STIMATE: variants seen among roughly 807,000 people sequenced by gnomAD.
STIMATE encodes store-operated calcium entry regulator STIMATE.
In STIMATE, 15 loss-of-function variants were observed where a neutral mutation model predicts 36.7. The observed-to-expected ratio is 0.41, with a 90% CI of 0.27 to 0.63. STIMATE has a LOEUF of 0.63. Ranked by LOEUF, STIMATE falls within the 20% of genes least tolerant of loss-of-function variation. The pLI is 0.32. For synonymous variants in STIMATE, 163 were observed against 162.3 expected (o/e 1.00, Z -0.03); for missense variants, 305 against 397.3 (o/e 0.77, Z 1.98).
At position 52,839,489 on chromosome 3, in the gene STIMATE, A is replaced by G. The variant is rs1053071291; in HGVS notation, c.*1005T>C. 6.6e-6 allele frequency: 1 copy of G among 152,198 alleles called. No individual in the cohort carries two copies. The highest frequency in any genetic ancestry group is 2.4e-5 in the African/African-American group (1 of 41,442). The allele number at this position is 152,198 out of a possible 1,614,324, so 9.4% of individuals were successfully genotyped here. ...CTCTGGAAACAAAGACCTCTTAGCT[A>G]AGCTCCTTTCTTGGTCAAATTTAAC... On this transcript the variant is annotated 3_prime_UTR_variant, in exon 8 of 8. Coordinates refer to ENST00000355083, the MANE Select transcript of STIMATE (RefSeq NM_198563.5).
chr3:52,865,190 C>T (rs1203237510), intron 1 of STIMATE, among the ~76,000 whole-genome samples: 1 of 152,178 alleles, frequency 6.6e-6, no homozygotes, highest in Non-Finnish European at 1.5e-5. Flanking sequence ...TGTGATCCAC[C>T]CGCCTTGGCC....
At chr3:52,845,591 G>T (rs538320100) in intron 4 of STIMATE, among the ~76,000 whole-genome samples, 8 of 152,264 alleles carry the variant, frequency 5.3e-5, no homozygotes, top group Admixed American at 5.2e-4. Context: ...GAGGTGGGAG[G>T]GATGGGCCGG....
intron 1 of STIMATE, among the ~76,000 whole-genome samples, chr3:52,896,991 G>A (rs181258667): frequency 2.0e-5 from 3 of 152,210 alleles, no homozygotes; most frequent in South Asian, 2.1e-4. Context: ...CATGATTCCA[G>A]GCTGGGAAGT....
intron 3 of STIMATE, among the ~76,000 whole-genome samples, chr3:52,850,988 C>G (rs552591209): frequency 2.0e-5 from 3 of 152,314 alleles, no homozygotes; most frequent in Non-Finnish European, 2.9e-5. Context: ...CCTGGCCTCC[C>G]AAAGTGTTGG....
chr3:52,852,553 T>C (rs377399991), intron 3 of STIMATE, 50 bp downstream of exon 3: 24 of 1,609,396 alleles, frequency 1.5e-5, no homozygotes, highest in Middle Eastern at 1.7e-4. Context: ...CCAGCCTATA[T>C]TTTCAATGGA....
At position 52,855,070 on chromosome 3, in the gene STIMATE, T is replaced by G. The variant is rs1701070418; in HGVS notation, c.209+326A>C. ...CATACAGAACACAGAATCCAGGAAT[T>G]TAAACCAAATCTAACAACAGGTAGA... On this transcript the variant is annotated intron_variant, in intron 2 of 7. Transcript: ENST00000355083. Among the ~76,000 whole-genome samples the G allele has an allele frequency of 1.3e-5, 2 of 152,118 alleles. 1 individual carries two copies. Among genetic ancestry groups the G allele is most frequent in the South Asian group, 4.1e-4 (2 of 4,830 alleles).
At chr3:52,844,752 G>T in intron 5 of STIMATE, 77 bp downstream of exon 5, 1 of 1,539,168 alleles carries the variant, frequency 6.5e-7, no homozygotes, top group Non-Finnish European at 8.9e-7. Flanking sequence ...TCCTAGAGTT[G>T]GCGTATGTGG....
chr3:52,854,395 G>C (rs1172945326), intron 2 of STIMATE, among the ~76,000 whole-genome samples: 1 of 152,190 alleles, frequency 6.6e-6, no homozygotes, highest in African/African-American at 2.4e-5. Context: ...AGGGGCTGGA[G>C]ACTGAGTTAA....
chr3:52,897,221 G>T, intron 1 of STIMATE, 70 bp downstream of exon 1: 1 of 1,505,198 alleles, frequency 6.6e-7, no homozygotes, highest in Non-Finnish European at 8.8e-7. Context: ...CGCGCAGGAG[G>T]GGCCCCCAGG....
intron 1 of STIMATE, among the ~76,000 whole-genome samples, chr3:52,892,860 G>A (rs966480864): frequency 7.9e-5 from 12 of 152,068 alleles, no homozygotes; most frequent in African/African-American, 2.7e-4. Context: ...AACATACAGC[G>A]CCGCTTATGG....
chr3:52,874,433 T>C (rs909178059), intron 1 of STIMATE, among the ~76,000 whole-genome samples: 1 of 152,202 alleles, frequency 6.6e-6, no homozygotes, highest in African/African-American at 2.4e-5. Context: ...TTCAGAGGCA[T>C]ATACAATAAA....
rs1700728461 is a variant in STIMATE, at chr3:52,837,735, C to G, written c.*2759G>C. ...AGATTTGGACAAATCAGATTCATAG[C>G]ACACAATATCCAGCCAACGTCCCAC... On this transcript the variant is annotated 3_prime_UTR_variant, in exon 8 of 8. Coordinates refer to ENST00000355083, the MANE Select transcript of STIMATE (RefSeq NM_198563.5). 1.3e-5 allele frequency: 2 copies of G among 152,252 alleles called. No individual in the cohort carries two copies. Among genetic ancestry groups the G allele is most frequent in the Admixed American group, 6.5e-5 (1 of 15,294 alleles). The allele number at this position is 152,252 out of a possible 1,614,324, so 9.4% of individuals were successfully genotyped here. A position where few individuals can be genotyped will look rare whatever the true frequency, so the allele number is the denominator to read the frequency against.
At chr3:52,850,218 G>T (rs4687674) in intron 3 of STIMATE, among the ~76,000 whole-genome samples, 3 of 152,124 alleles carry the variant, frequency 2.0e-5, no homozygotes, top group Admixed American at 2.0e-4. Flanking sequence ...GGATCACGAG[G>T]TCAGGAGATA....
chr3:52,878,093 T>TAAAAAA (rs532307762), intron 1 of STIMATE, among the ~76,000 whole-genome samples: 1 of 112,490 alleles, frequency 8.9e-6, no homozygotes, highest in African/African-American at 3.3e-5. Flanking sequence ...GACTCCGTCT[T>TAAAAAA]AAAAAAAAAA....
chr3:52,837,834 T>C lies in STIMATE; in HGVS notation c.*2660A>G, dbSNP rs1193118712. The C allele has an allele frequency of 6.6e-6, 1 of 152,102 alleles. No individual in the cohort carries two copies. Among genetic ancestry groups the C allele is most frequent in the Non-Finnish European group, 1.5e-5 (1 of 68,036 alleles). 9.4% of individuals were successfully genotyped at this position (152,102 alleles called of 1,614,324 possible). On this transcript the variant is annotated 3_prime_UTR_variant, in exon 8 of 8. Coordinates refer to ENST00000355083, the MANE Select transcript of STIMATE (RefSeq NM_198563.5). ...ACCTCGTAAGGCACCTTGGAGCAGG[T>C]GGAGAGGAAACTCATCCCAGGGAGG...
At chr3:52,866,886 A>G (rs1701322612) in intron 1 of STIMATE, among the ~76,000 whole-genome samples, 1 of 152,220 alleles carries the variant, frequency 6.6e-6, no homozygotes, top group Non-Finnish European at 1.5e-5. Context: ...AAAAAGCACA[A>G]CTGTCTTGAG....
intron 1 of STIMATE, among the ~76,000 whole-genome samples, chr3:52,889,115 G>A (rs988004025): frequency 6.6e-6 from 1 of 152,240 alleles, no homozygotes; most frequent in Admixed American, 6.5e-5. Flanking sequence ...GAGGGCATGT[G>A]ATGCTCAGAT....
At chr3:52,860,058 T>C (rs1701191122) in intron 1 of STIMATE, among the ~76,000 whole-genome samples, 2 of 148,816 alleles carry the variant, frequency 1.3e-5, no homozygotes, top group Non-Finnish European at 3.0e-5. Flanking sequence ...CAGATTCTTT[T>C]TTTTTTTTTT....
intron 1 of STIMATE, among the ~76,000 whole-genome samples, chr3:52,887,745 G>T (rs2106729409): frequency 6.6e-6 from 1 of 152,254 alleles, no homozygotes; most frequent in South Asian, 2.1e-4. Context: ...GTGACTGGGA[G>T]AATGAGATTT....
Sources: allele counts gnomAD v4.1 joint callset (sites outside exome capture counted in the v4.1 genomes callset), GRCh38; gene constraint gnomAD v4.1.1; transcripts MANE v1.5; gene names NCBI Gene and HGNC (gene_info 2026-07-23, HGNC 2026-07-21).